TIA1: variants seen among roughly 807,000 people sequenced by gnomAD.
TIA1 encodes cytotoxic granule associated RNA binding protein TIA1.
In TIA1, 23 loss-of-function variants were observed where a neutral mutation model predicts 65.9. The observed-to-expected ratio is 0.35, with a 90% CI of 0.25 to 0.49. The LOEUF (loss-of-function observed/expected upper bound fraction) is 0.49, where lower values mean the gene tolerates loss of function less well. Ranked by LOEUF, TIA1 falls within the 20% of genes least tolerant of loss-of-function variation. TIA1 has a pLI of 0.98. For missense variants in TIA1, 371 were observed against 477.9 expected, an observed-to-expected ratio of 0.78 and a Z score of 2.09; for synonymous variants, 147 against 149.4, an observed-to-expected ratio of 0.98 and a Z score of 0.12.
At chr2:70,221,339 G>A (rs998180150) in intron 7 of TIA1, among the ~76,000 whole-genome samples, 1 of 151,850 alleles carries the variant, frequency 6.6e-6, no homozygotes, top group African/African-American at 2.4e-5. Context: ...GCATGGTGGT[G>A]TACACCTGTG....
At chr2:70,246,665 C>G (rs973054607) in intron 1 of TIA1, among the ~76,000 whole-genome samples, 1 of 152,210 alleles carries the variant, frequency 6.6e-6, no homozygotes, top group African/African-American at 2.4e-5. Context: ...GTGTGCGGAT[C>G]ACCTGAGGTC....
rs78267475 is a variant in TIA1, at chr2:70,209,672, A to G, written c.*3047T>C. 1,245 of 398,386 alleles carry G rather than the reference A, an allele frequency of 3.1e-3. 13 individuals are homozygous for G. The highest frequency in any genetic ancestry group is 0.024 in the African/African-American group (1,169 of 48,752). 24.7% of individuals were successfully genotyped at this position (398,386 alleles called of 1,614,324 possible). On this transcript the variant is annotated 3_prime_UTR_variant, in exon 13 of 13. Transcript: ENST00000433529. ...TTCTAGGAGTTGTTTATCCCTGCTC[A>G]TGCTTAAGATTGACGATTTCGTGAA...
intron 5 of TIA1, chr2:70,228,502 A>G (rs1294918073): frequency 3.3e-6 from 4 of 1,209,844 alleles, no homozygotes; most frequent in Non-Finnish European, 4.2e-6. Flanking sequence ...CCTTCACTTT[A>G]TATCAGAACC....
At chr2:70,218,071 T>C (rs1030635559) in intron 7 of TIA1, among the ~76,000 whole-genome samples, 5 of 152,218 alleles carry the variant, frequency 3.3e-5, no homozygotes, top group African/African-American at 1.2e-4. Context: ...TACATTCTTT[T>C]GTGGGGAACA....
intron 1 of TIA1, among the ~76,000 whole-genome samples, chr2:70,238,657 G>T (rs1231628196): frequency 3.3e-5 from 5 of 152,052 alleles, no homozygotes; most frequent in Non-Finnish European, 7.4e-5. Flanking sequence ...CAGTAGAAGA[G>T]GGGTGAAAGG....
Position 70,212,777 on chromosome 2 carries a change from C to A in TIA1, c.1103G>T (p.Gly368Val), listed in dbSNP as rs999343044. The A allele has an allele frequency of 1.9e-6, 3 of 1,613,982 alleles. No individual in the cohort carries two copies. The highest frequency in any genetic ancestry group is 2.5e-6 in the Non-Finnish European group (3 of 1,179,980). ...YGVQPPQGQNGSMLPNQPSGY... is the reference protein window; with the variant it reads ...YGVQPPQGQNVSMLPNQPSGY... ...AGAAGGCTGATTGGGCAACATGCTGCCATTTTGCCCTTGAGGCGGTTGCAC... is the reference window on the plus strand; with the variant it reads ...AGAAGGCTGATTGGGCAACATGCTGACATTTTGCCCTTGAGGCGGTTGCAC... Residue 368 changes from glycine to valine, a missense_variant, in exon 13 of 13, where the codon GGC (glycine) becomes GTC (valine). Coordinates refer to ENST00000433529, the MANE Select transcript of TIA1 (RefSeq NM_022173.4).
At chr2:70,236,890 A>G (rs924142742) in intron 1 of TIA1, among the ~76,000 whole-genome samples, 1 of 152,180 alleles carries the variant, frequency 6.6e-6, no homozygotes, top group African/African-American at 2.4e-5. Flanking sequence ...GGCCTCCCAA[A>G]GTGTAATCTT....
intron 4 of TIA1, 66 bp from the exon 5 acceptor site, chr2:70,229,157 A>G (rs1179297506): frequency 2.5e-6 from 4 of 1,606,004 alleles, no homozygotes; most frequent in Non-Finnish European, 3.4e-6. Flanking sequence ...ATATCTTAGG[A>G]TAACGATCAA....
chr2:70,234,491 C>G (rs75292089), intron 2 of TIA1, among the ~76,000 whole-genome samples: 245 of 152,264 alleles, frequency 1.6e-3, no homozygotes, highest in African/African-American at 5.5e-3. Context: ...ATATAATATG[C>G]AGATGATTTT....
At chr2:70,230,432 C>T (rs1685725295) in intron 3 of TIA1, among the ~76,000 whole-genome samples, 1 of 152,110 alleles carries the variant, frequency 6.6e-6, no homozygotes, top group East Asian at 1.9e-4. Flanking sequence ...AGGCAGATCA[C>T]CTGAGGTCAG....
In TIA1 at chr2:70,248,399, A is replaced by G; in HGVS notation, c.26+6T>C. The G allele has an allele frequency of 6.3e-7, 1 of 1,599,874 alleles. No individual in the cohort carries two copies. Among genetic ancestry groups the G allele is most frequent in the Non-Finnish European group, 8.5e-7 (1 of 1,179,672 alleles). ...CCCGCCTCCCTCATCGCTGCCCCAG[A>G]CTCACAGAGTCTTGGGCATCTCGTC... is the stretch of plus-strand genomic sequence containing the variant. On this transcript the variant is annotated splice_donor_region_variant and intron_variant, in intron 1 of 12. Coordinates refer to ENST00000433529, the MANE Select transcript of TIA1 (RefSeq NM_022173.4).
chr2:70,234,761 C>T (rs969506419), intron 2 of TIA1, among the ~76,000 whole-genome samples: 3 of 151,994 alleles, frequency 2.0e-5, no homozygotes, highest in African/African-American at 7.2e-5. Context: ...GGGGTTTCGC[C>T]ATGTTGGTCA....
chr2:70,237,855 G>A (rs1488987466), intron 1 of TIA1, among the ~76,000 whole-genome samples: 2 of 150,028 alleles, frequency 1.3e-5, no homozygotes, highest in Non-Finnish European at 3.0e-5. Flanking sequence ...GACGGAGCAA[G>A]ACTGTCTTTA....
intron 7 of TIA1, among the ~76,000 whole-genome samples, chr2:70,223,454 C>CTT (rs1197631503): frequency 1.2e-4 from 18 of 152,142 alleles, no homozygotes; most frequent in South Asian, 2.1e-4. Context: ...CAGGGCCTCA[C>CTT]TTTGTCACCC....
At chr2:70,216,122 G>C in intron 10 of TIA1, 86 bp downstream of exon 10, 2 of 1,137,480 alleles carry the variant, frequency 1.8e-6, no homozygotes, top group African/African-American at 1.6e-5. Flanking sequence ...AAATATTTTG[G>C]AGGAAAAAGT....
intron 5 of TIA1, chr2:70,228,517 A>G: frequency 8.5e-7 from 1 of 1,170,124 alleles, no homozygotes; most frequent in Non-Finnish European, 1.1e-6. Context: ...AGAACCATTA[A>G]AAAAGCATTG....
chr2:70,247,260 G>A (rs761630165), intron 1 of TIA1, among the ~76,000 whole-genome samples: 91 of 152,124 alleles, frequency 6.0e-4, no homozygotes, highest in Non-Finnish European at 1.0e-3. Context: ...AATCTATTAA[G>A]AAAACAAGTG....
chr2:70,210,131 AT>A lies in TIA1; in HGVS notation c.*2587del. The A allele has an allele frequency of 6.2e-6, 1 of 161,784 alleles. No individual in the cohort carries two copies. The highest frequency in any genetic ancestry group is 2.4e-5 in the African/African-American group (1 of 41,980). The allele number at this position is 161,784 out of a possible 1,614,324, so 10.0% of individuals were successfully genotyped here. A position where few individuals can be genotyped will look rare whatever the true frequency, so the allele number is the denominator to read the frequency against. Reference sequence around the variant, plus strand: ...GATTAAAAAAAAAATACCTGAGTGAATATAACAATATGGATAGACCAAAAAG... The same window carrying A: ...GATTAAAAAAAAAATACCTGAGTGAAATAACAATATGGATAGACCAAAAAG... On this transcript the variant is annotated 3_prime_UTR_variant, in exon 13 of 13. Transcript: ENST00000433529.
chr2:70,243,219 A>G (rs1184848218), intron 1 of TIA1, among the ~76,000 whole-genome samples: 1 of 152,190 alleles, frequency 6.6e-6, no homozygotes, highest in African/African-American at 2.4e-5. Flanking sequence ...TGAGCCCAGG[A>G]GTTGGAGACC....
Sources: gnomAD v4.1 joint callset for allele counts (sites outside exome capture counted in the v4.1 genomes callset) on GRCh38, gnomAD v4.1.1 for gene constraint, MANE v1.5 for transcripts, NCBI Gene and HGNC (gene_info 2026-07-23, HGNC 2026-07-21) for gene names.